AVL9: variants seen among roughly 807,000 people sequenced by gnomAD.
The protein encoded by AVL9 is late secretory pathway protein AVL9 homolog.
Under a neutral mutation model 79.2 loss-of-function variants are expected in AVL9, and 49 were observed. The ratio of observed to expected loss-of-function variants is 0.62; its 90% CI spans 0.49 to 0.79. AVL9 has a LOEUF of 0.79. Ranked by LOEUF, AVL9 falls within the 30% of genes least tolerant of loss-of-function variation. AVL9 has a pLI of 0.00. For missense variants in AVL9, 682 were observed against 776.8 expected (o/e 0.88, Z 1.45); for synonymous variants, 299 against 280.6 (o/e 1.07, Z -0.65).
chr7:32,524,029 AG>A (rs1202085326), intron 1 of AVL9, among the ~76,000 whole-genome samples: 1 of 151,302 alleles, frequency 6.6e-6, no homozygotes, highest in Non-Finnish European at 1.5e-5. Flanking sequence ...CCCTGCACCC[AG>A]TCGAGATGGG....
At chr7:32,497,378 A>AT (rs1474615270) in intron 1 of AVL9, among the ~76,000 whole-genome samples, 8 of 152,228 alleles carry the variant, frequency 5.3e-5, no homozygotes, top group Non-Finnish European at 1.0e-4. Flanking sequence ...TGTTACATGC[A>AT]TAAGTCTTAG....
At position 32,551,194 on chromosome 7, in the gene AVL9, T is replaced by A. The variant is rs567786953; in HGVS notation, c.373-140T>A. The A allele has an allele frequency of 1.5e-5, 9 of 603,042 alleles. No homozygotes were observed. In the East Asian group the frequency reaches 2.5e-4, roughly 17 times the overall value. The allele number at this position is 603,042 out of a possible 1,614,324, so 37.4% of individuals were successfully genotyped here. ...CTTCACGGCTTTCAACTATGAATAA[T>A]ACGCACTAAAGTTGATAGTTACTAA... On this transcript the variant is annotated intron_variant, in intron 4 of 15. Coordinates refer to ENST00000318709, the MANE Select transcript of AVL9 (RefSeq NM_015060.3).
intron 7 of AVL9, among the ~76,000 whole-genome samples, chr7:32,554,136 C>CTA (rs1372950010): frequency 6.6e-6 from 1 of 152,222 alleles, no homozygotes; most frequent in South Asian, 2.1e-4. Flanking sequence ...AATAAAACAT[C>CTA]TATATATACT....
intron 1 of AVL9, among the ~76,000 whole-genome samples, chr7:32,509,443 A>T (rs2128116643): frequency 6.6e-6 from 1 of 152,264 alleles, no homozygotes; most frequent in South Asian, 2.1e-4. Context: ...AACTTACCCT[A>T]CTTGAAAACA....
chr7:32,557,410 T>C (rs1316560142), intron 8 of AVL9, among the ~76,000 whole-genome samples: 1 of 152,218 alleles, frequency 6.6e-6, no homozygotes, highest in Non-Finnish European at 1.5e-5. Context: ...TTGCTAGCTC[T>C]CTTTTATTTC....
At chr7:32,570,208 T>C in intron 11 of AVL9, 54 bp downstream of exon 11, 3 of 1,605,532 alleles carry the variant, frequency 1.9e-6, no homozygotes, top group Non-Finnish European at 2.6e-6. Context: ...AGTTTTCCTT[T>C]CTTAACTACA....
At chr7:32,497,960 AGTTCTAAATGT>A (rs1248348664) in intron 1 of AVL9, among the ~76,000 whole-genome samples, 3 of 152,016 alleles carry the variant, frequency 2.0e-5, no homozygotes, top group Non-Finnish European at 4.4e-5. Context: ...CATGACCATT[AGTTCTAAATGT>A]GCGCTGAGAT....
At chr7:32,540,741 C>T (rs1372234448) in intron 1 of AVL9, among the ~76,000 whole-genome samples, 1 of 152,086 alleles carries the variant, frequency 6.6e-6, no homozygotes, top group Non-Finnish European at 1.5e-5. Context: ...CCGTACATTC[C>T]TACAGCCGGC....
intron 1 of AVL9, among the ~76,000 whole-genome samples, chr7:32,542,385 CAA>C (rs567774011): frequency 0.45 from 40,553 of 90,314 alleles, 6,466 homozygotes; most frequent in South Asian, 0.53. Context: ...AGTAAAAATA[CAA>C]AAAAAAAAAA....
intron 10 of AVL9, among the ~76,000 whole-genome samples, chr7:32,565,264 A>T (rs1316990764): frequency 6.6e-6 from 1 of 152,238 alleles, no homozygotes; most frequent in African/African-American, 2.4e-5. Flanking sequence ...TCTATTTAGA[A>T]ATTACCTCAA....
At chr7:32,542,753 A>G (rs1467312515) in intron 1 of AVL9, among the ~76,000 whole-genome samples, 1 of 152,126 alleles carries the variant, frequency 6.6e-6, no homozygotes, top group African/African-American at 2.4e-5. Flanking sequence ...TCTGGGCTCA[A>G]CTTGGGGCTC....
At chr7:32,508,430 A>G (rs140027748) in intron 1 of AVL9, among the ~76,000 whole-genome samples, 106 of 131,826 alleles carry the variant, frequency 8.0e-4, no homozygotes, top group African/African-American at 2.6e-3. Context: ...TAATTTTAAT[A>G]TTGTGTTTTT....
chr7:32,549,035 C>A, intron 4 of AVL9, 117 bp downstream of exon 4: 1 of 532,464 alleles, frequency 1.9e-6, no homozygotes, highest in Non-Finnish European at 3.0e-6. Flanking sequence ...TTATTTATGC[C>A]CTAGCATCTC....
chr7:32,526,355 A>C (rs1363890993), intron 1 of AVL9, among the ~76,000 whole-genome samples: 1 of 152,184 alleles, frequency 6.6e-6, no homozygotes, highest in Non-Finnish European at 1.5e-5. Context: ...CCGTCGTCCA[A>C]GGCTCCAGTT....
At chr7:32,502,590 A>T (rs970015140) in intron 1 of AVL9, among the ~76,000 whole-genome samples, 2 of 152,154 alleles carry the variant, frequency 1.3e-5, no homozygotes, top group African/African-American at 4.8e-5. Flanking sequence ...GTGGCATTCT[A>T]ATTTTTCACT....
intron 4 of AVL9, among the ~76,000 whole-genome samples, chr7:32,549,561 A>G (rs1211889040): frequency 6.6e-6 from 1 of 151,958 alleles, no homozygotes. Flanking sequence ...AATTTTGAGG[A>G]TGAGAATATT....
At chr7:32,571,255 T>A (rs1790831887) in intron 11 of AVL9, among the ~76,000 whole-genome samples, 2 of 133,874 alleles carry the variant, frequency 1.5e-5, no homozygotes, top group Non-Finnish European at 3.1e-5. Flanking sequence ...AAAAGCCAGC[T>A]GCAGTGGCTC....
chr7:32,548,144 C>CTCTTTTTTTTTTTTTTT (rs1227025763), intron 3 of AVL9, among the ~76,000 whole-genome samples: 10 of 57,592 alleles, frequency 1.7e-4, no homozygotes, highest in African/African-American at 5.4e-4. Context: ...TTTGTCATCT[C>CTCTTTTTTTTTTTTTTT]TTTTTTCTTT....
At chr7:32,553,793 T>C (rs368956630) in intron 7 of AVL9, 26 bp downstream of exon 7, 25 of 1,574,360 alleles carry the variant, frequency 1.6e-5, no homozygotes, top group Non-Finnish European at 2.2e-5. Flanking sequence ...TAAATAAATT[T>C]ATGATGTACA....
Sources: allele counts gnomAD v4.1 joint callset (sites outside exome capture counted in the v4.1 genomes callset), GRCh38; gene constraint gnomAD v4.1.1; transcripts MANE v1.5; gene names NCBI Gene and HGNC (gene_info 2026-07-23, HGNC 2026-07-21).